The following IFT74 variants were observed in gnomAD, a reference collection of about 807,000 sequenced individuals.
The protein encoded by IFT74 is intraflagellar transport protein 74 homolog.
In IFT74, 92 loss-of-function variants were observed where a neutral mutation model predicts 96.7. The ratio of observed to expected loss-of-function variants is 0.95; its 90% CI spans 0.80 to 1.13. The LOEUF is 1.13. Among genes scored for constraint, IFT74 ranks in the 50% most tolerant of loss-of-function variants. The pLI is 0.00. For missense variants in IFT74, 811 were observed against 698.2 expected, an observed-to-expected ratio of 1.16 and a Z score of -1.82; for synonymous variants, 223 against 213.2, an observed-to-expected ratio of 1.05 and a Z score of -0.40.
intron 4 of IFT74, among the ~76,000 whole-genome samples, chr9:26,981,890 C>G (rs1345267382): frequency 1.3e-5 from 2 of 151,766 alleles, no homozygotes; most frequent in Admixed American, 1.3e-4. Context: ...GCCTCAGCCT[C>G]GTGAGTAGCT....
chr9:27,025,106 A>G (rs1456489535), intron 12 of IFT74, among the ~76,000 whole-genome samples: 2 of 152,138 alleles, frequency 1.3e-5, no homozygotes, highest in Non-Finnish European at 2.9e-5. Flanking sequence ...GGGAATAATC[A>G]AGGAAAACTT....
In IFT74 at chr9:27,062,976, G is replaced by A. The variant is rs559204120; in HGVS notation, c.*240G>A. 1 of 406,692 alleles carries A rather than the reference G, an allele frequency of 2.5e-6. No homozygotes were observed. The highest frequency in any genetic ancestry group is 5.1e-5 in the East Asian group (1 of 19,518). 25.2% of individuals were successfully genotyped at this position (406,692 alleles called of 1,614,324 possible). ...TATGCTACTTGTATTTGAACCAAGAGATAAAGAAACTAAAAGTGACCGTTG... is the reference window on the plus strand; with the variant it reads ...TATGCTACTTGTATTTGAACCAAGAAATAAAGAAACTAAAAGTGACCGTTG... On this transcript the variant is annotated 3_prime_UTR_variant, in exon 20 of 20. Coordinates refer to ENST00000380062, the MANE Select transcript of IFT74 (RefSeq NM_025103.4).
At chr9:27,045,217 G>A (rs1157598686) in intron 14 of IFT74, among the ~76,000 whole-genome samples, 3 of 152,048 alleles carry the variant, frequency 2.0e-5, no homozygotes, top group South Asian at 4.2e-4. Context: ...GAACCCTATC[G>A]CGTATGAGGG....
chr9:26,951,915 A>G (rs1486215335), upstream of IFT74, among the ~76,000 whole-genome samples: 4 of 152,220 alleles, frequency 2.6e-5, no homozygotes, highest in Admixed American at 6.5e-5. Flanking sequence ...CAAGTGAAAT[A>G]TGAACTTCAT....
chr9:27,007,136 C>A (rs1420692967), intron 8 of IFT74, among the ~76,000 whole-genome samples: 2 of 152,082 alleles, frequency 1.3e-5, no homozygotes, highest in Non-Finnish European at 2.9e-5. Context: ...CATGCCCAGC[C>A]TGTTTACTTA....
intron 8 of IFT74, among the ~76,000 whole-genome samples, chr9:26,999,993 A>T (rs1313192107): frequency 6.6e-6 from 1 of 151,098 alleles, no homozygotes; most frequent in Non-Finnish European, 1.5e-5. Flanking sequence ...CTGGTATCAA[A>T]CTCCTGGGTG....
Position 27,062,759 on chromosome 9 carries a change from T to G in IFT74, c.*23T>G. On this transcript the variant is annotated 3_prime_UTR_variant, in exon 20 of 20. Coordinates refer to ENST00000380062, the MANE Select transcript of IFT74 (RefSeq NM_025103.4). ...TGAGTTTAAGTCCACTGAAAGTCTCTAAGGAAGTATCCTCTTGCTGCTAAA... is the reference window on the plus strand; with the variant it reads ...TGAGTTTAAGTCCACTGAAAGTCTCGAAGGAAGTATCCTCTTGCTGCTAAA... 3.3e-6 allele frequency: 4 copies of G among 1,228,510 alleles called. No homozygotes were observed. The highest frequency in any genetic ancestry group is 1.3e-5 in the South Asian group (1 of 75,692). 76.1% of individuals were successfully genotyped at this position (1,228,510 alleles called of 1,614,324 possible).
chr9:27,051,139 G>A (rs931671001), intron 16 of IFT74, among the ~76,000 whole-genome samples: 12 of 152,092 alleles, frequency 7.9e-5, no homozygotes, highest in African/African-American at 2.9e-4. Context: ...TATATGTGCT[G>A]TATTACTTTT....
At chr9:27,007,282 C>G (rs1828844409) in intron 8 of IFT74, among the ~76,000 whole-genome samples, 1 of 152,190 alleles carries the variant, frequency 6.6e-6, no homozygotes, top group Non-Finnish European at 1.5e-5. Context: ...GCTGTAATTT[C>G]TCCTCTGTAA....
intron 3 of IFT74, 50 bp from the exon 4 acceptor site, chr9:26,980,521 T>G (rs1417358541): frequency 9.0e-7 from 1 of 1,116,026 alleles, no homozygotes; most frequent in Non-Finnish European, 1.4e-6. Context: ...GATTTGCTAT[T>G]CTGGTGGCAT....
intron 13 of IFT74, among the ~76,000 whole-genome samples, chr9:27,041,226 G>A (rs1261164217): frequency 2.0e-5 from 3 of 152,092 alleles, no homozygotes; most frequent in East Asian, 1.9e-4. Context: ...CATGTTACCC[G>A]ATAAAGTACC....
At position 26,975,280 on chromosome 9, in the gene IFT74, T is replaced by G. The variant is rs536357710; in HGVS notation, c.121-2848T>G. On this transcript the variant is annotated intron_variant, in intron 2 of 19. Coordinates refer to ENST00000380062, the MANE Select transcript of IFT74 (RefSeq NM_025103.4). ...TTGGTTTCTGGCTTGTTCCCTCTGG[T>G]TTTTAAAGGGTAAAGGAGGACAGGT... Among the ~76,000 whole-genome samples the G allele has an allele frequency of 8.5e-5, 13 of 152,122 alleles. No homozygotes were observed. In the South Asian group the frequency reaches 2.7e-3, roughly 32 times the overall value.
intron 10 of IFT74, among the ~76,000 whole-genome samples, chr9:27,012,253 T>C (rs1829118927): frequency 6.6e-6 from 1 of 152,138 alleles, no homozygotes; most frequent in Admixed American, 6.6e-5. Flanking sequence ...GACAGAGTCT[T>C]TCTTTGTCAC....
intron 2 of IFT74, among the ~76,000 whole-genome samples, chr9:26,972,365 A>G (rs531349866): frequency 6.6e-6 from 1 of 152,264 alleles, no homozygotes; most frequent in East Asian, 1.9e-4. Context: ...TCTAGCTGCA[A>G]TGGACTGGAT....
intron 1 of IFT74, among the ~76,000 whole-genome samples, chr9:26,961,374 G>C (rs1211290187): frequency 6.6e-6 from 1 of 152,078 alleles, no homozygotes; most frequent in African/African-American, 2.4e-5. Flanking sequence ...ACACGCGTTT[G>C]CCACTGCGCC....
rs1181294109 is a variant in IFT74, at chr9:27,065,732, T to G, written c.*2996T>G. On this transcript the variant is annotated 3_prime_UTR_variant, in exon 20 of 20. Transcript: ENST00000380062. ...GTTCCCTTGCTCAGTTTCTCTAGACTTCTTTCCTTTTGCTATACAATTGCA... is the reference window on the plus strand; with the variant it reads ...GTTCCCTTGCTCAGTTTCTCTAGACGTCTTTCCTTTTGCTATACAATTGCA... 2.0e-5 allele frequency among the ~76,000 whole-genome samples: 3 copies of G among 152,318 alleles called. No individual in the cohort carries two copies. Among genetic ancestry groups the G allele is most frequent in the Admixed American group, 1.3e-4 (2 of 15,300 alleles).
At chr9:26,994,550 A>G (rs1024634506) in intron 8 of IFT74, 3 of 152,214 alleles carry the variant, frequency 2.0e-5, no homozygotes, top group African/African-American at 7.2e-5. Context: ...AAAAAAAAAA[A>G]AAAAAAGAAA....
Position 27,060,652 on chromosome 9 carries a change from G to A in IFT74, c.1684+1G>A. ...CAAAATAATTTTGCGATGAAAGAAT[G>A]TATCCTTTAAAAAGCTGAAAATGGG... is the stretch of plus-strand genomic sequence containing the variant. On this transcript the variant is annotated splice_donor_variant, in intron 19 of 19. Coordinates refer to ENST00000380062, the MANE Select transcript of IFT74 (RefSeq NM_025103.4). LOFTEE classifies it high-confidence loss of function. 1 of 1,599,206 alleles carries A rather than the reference G, an allele frequency of 6.3e-7. No individual in the cohort carries two copies. Among genetic ancestry groups the A allele is most frequent in the East Asian group, 2.3e-5 (1 of 44,366 alleles).
intron 16 of IFT74, among the ~76,000 whole-genome samples, chr9:27,055,178 C>A (rs932108334): frequency 6.6e-5 from 10 of 151,984 alleles, no homozygotes; most frequent in African/African-American, 2.4e-4. Context: ...ACATAACTAC[C>A]ACAGATAGTA....
Sources: gnomAD v4.1 joint callset for allele counts (sites outside exome capture counted in the v4.1 genomes callset) on GRCh38, gnomAD v4.1.1 for gene constraint, MANE v1.5 for transcripts, NCBI Gene and HGNC (gene_info 2026-07-23, HGNC 2026-07-21) for gene names.